The following PCDHA6 variants were observed in gnomAD, a reference collection of about 807,000 sequenced individuals.
PCDHA6 encodes protocadherin alpha 6.
In PCDHA6, 55 loss-of-function variants were observed where a neutral mutation model predicts 60.3. That is an observed-to-expected ratio of 0.91 (90% CI 0.73 to 1.14). The LOEUF is 1.14. PCDHA6 is among the 50% of genes most tolerant of loss of function. The probability of loss-of-function intolerance (pLI) is 0.00; values close to 1 mark genes in which losing one functional copy is unlikely to be tolerated. For synonymous variants in PCDHA6, 652 were observed against 557.9 expected (o/e 1.17, Z -2.38); for missense variants, 1,327 against 1,256.5 (o/e 1.06, Z -0.85).
At chr5:140,879,141 G>C (rs1413837977) in intron 1 of PCDHA6, among the ~76,000 whole-genome samples, 2 of 152,192 alleles carry the variant, frequency 1.3e-5, no homozygotes, top group Non-Finnish European at 2.9e-5. Context: ...GATTGTGAAG[G>C]CAGGAAAGCT....
Position 141,010,123 on chromosome 5 carries a change from A to G in PCDHA6, c.*186A>G, listed in dbSNP as rs782357783. The G allele has an allele frequency of 3.7e-6, 6 of 1,605,822 alleles. No individual in the cohort carries two copies. In the East Asian group the frequency reaches 1.3e-4, roughly 36 times the overall value. On this transcript the variant is annotated 3_prime_UTR_variant, in exon 4 of 4. Transcript: ENST00000529310. ...AGGTTTTGTCGTAAAAGCTTTACTA[A>G]GTCTGGTGTTAACTCTTTCTCTCCA...
chr5:140,939,195 C>T (rs1554212604), intron 1 of PCDHA6, among the ~76,000 whole-genome samples: 1 of 152,122 alleles, frequency 6.6e-6, no homozygotes, highest in East Asian at 1.9e-4. Flanking sequence ...GTTCATAAAA[C>T]AGAATGTCAC....
chr5:140,875,749 G>C, intron 1 of PCDHA6: 1 of 1,614,264 alleles, frequency 6.2e-7, no homozygotes, highest in Non-Finnish European at 8.5e-7. Flanking sequence ...GATCGACCGC[G>C]AGAAGCTGTG....
chr5:140,840,576 A>C (rs1264610441), intron 1 of PCDHA6, among the ~76,000 whole-genome samples: 1 of 152,090 alleles, frequency 6.6e-6, no homozygotes, highest in African/African-American at 2.4e-5. Flanking sequence ...GGCATGTCAG[A>C]GAAATCATAA....
At chr5:140,843,925 C>T in intron 1 of PCDHA6, 4 of 594,474 alleles carry the variant, frequency 6.7e-6, no homozygotes, top group Non-Finnish European at 8.8e-6. Context: ...TCTTGAAACT[C>T]AAGTTATGGT....
At chr5:140,887,396 C>T (rs2153420229) in intron 1 of PCDHA6, among the ~76,000 whole-genome samples, 1 of 152,174 alleles carries the variant, frequency 6.6e-6, no homozygotes, top group Non-Finnish European at 1.5e-5. Flanking sequence ...GCGCCCGGCT[C>T]TTTATCTCAT....
intron 1 of PCDHA6, chr5:140,968,266 G>A: frequency 6.2e-7 from 1 of 1,614,080 alleles, no homozygotes; most frequent in Non-Finnish European, 8.5e-7. Context: ...ATGAAAAGGA[G>A]AATGCAGAGG....
intron 1 of PCDHA6, chr5:140,929,120 A>G (rs781922658): frequency 6.2e-7 from 1 of 1,614,062 alleles, no homozygotes; most frequent in East Asian, 2.2e-5. Flanking sequence ...GCCACCATAG[A>G]TGTCACTACA....
rs782722148 is a variant in PCDHA6 at position 140,857,308 on chromosome 5, T to C, written c.2394+26823T>C. 3.4e-5 allele frequency: 54 copies of C among 1,598,232 alleles called. 3 individuals carry two copies. The highest frequency in any genetic ancestry group is 4.5e-5 in the Non-Finnish European group (53 of 1,167,612). On this transcript the variant is annotated intron_variant, in intron 1 of 3. Transcript: ENST00000529310. ...TGGACCGCGAGAGGGTGTCGGCCTA[T>C]GAGCTGGTGGTGACCGCGCGGGACG...
At chr5:140,856,784 T>C in intron 1 of PCDHA6, 2 of 1,596,522 alleles carry the variant, frequency 1.3e-6, no homozygotes, top group Non-Finnish European at 1.7e-6. Flanking sequence ...CAGACCGGTT[T>C]ATGAAGTTAA....
intron 1 of PCDHA6, among the ~76,000 whole-genome samples, chr5:140,871,878 C>T (rs1390055446): frequency 6.6e-6 from 1 of 152,222 alleles, no homozygotes; most frequent in Non-Finnish European, 1.5e-5. Context: ...TTTAAATTTG[C>T]TCCTCTTTGT....
intron 3 of PCDHA6, among the ~76,000 whole-genome samples, chr5:140,992,594 G>A (rs782416770): frequency 2.6e-5 from 4 of 152,148 alleles, no homozygotes; most frequent in Non-Finnish European, 2.9e-5. Flanking sequence ...TGCATCTAGC[G>A]TCTGTGTCTA....
At chr5:140,835,974 T>A (rs782216011) in intron 1 of PCDHA6, 1 of 1,612,180 alleles carries the variant, frequency 6.2e-7, no homozygotes, top group African/African-American at 1.3e-5. Context: ...GCTGGAGCTG[T>A]TGCAGTTCCA....
At chr5:140,895,647 C>A (rs954657912) in intron 1 of PCDHA6, among the ~76,000 whole-genome samples, 2 of 151,996 alleles carry the variant, frequency 1.3e-5, no homozygotes, top group African/African-American at 4.8e-5. Flanking sequence ...TTTTTAGCTC[C>A]CACTTATAAG....
intron 1 of PCDHA6, chr5:140,881,303 C>G (rs2058657354): frequency 2.1e-6 from 2 of 962,486 alleles, no homozygotes; most frequent in African/African-American, 1.8e-5. Flanking sequence ...GAAACTTTAA[C>G]CTCCTGGTTA....
intron 1 of PCDHA6, among the ~76,000 whole-genome samples, chr5:140,896,219 T>A (rs1212681477): frequency 1.3e-5 from 2 of 152,252 alleles, no homozygotes; most frequent in African/African-American, 2.4e-5. Flanking sequence ...TACATGTGTC[T>A]TTATAGTAGA....
intron 1 of PCDHA6, among the ~76,000 whole-genome samples, chr5:140,921,713 A>T (rs1247257514): frequency 2.0e-5 from 3 of 152,174 alleles, no homozygotes; most frequent in Non-Finnish European, 4.4e-5. Flanking sequence ...CAGTAAACAC[A>T]CGAATTACTC....
intron 1 of PCDHA6, chr5:140,876,970 G>T (rs1554169165): frequency 6.2e-7 from 1 of 1,612,850 alleles, no homozygotes; most frequent in East Asian, 2.2e-5. Flanking sequence ...GCGGCGGGTG[G>T]GCGAGCACGC....
rs1305533270 is a variant in PCDHA6, at chr5:141,000,401, A to C, written c.2543-9226A>C. Among the ~76,000 whole-genome samples the C allele has an allele frequency of 8.1e-3, 613 of 75,996 alleles. 4 individuals are homozygous for C. The highest frequency in any genetic ancestry group is 0.017 in the East Asian group (44 of 2,548). The allele number at this position is 75,996 out of a possible 152,430, so 49.9% of individuals were successfully genotyped here. A position where few individuals can be genotyped will look rare whatever the true frequency, so the allele number is the denominator to read the frequency against. On this transcript the variant is annotated intron_variant, in intron 3 of 3. Transcript: ENST00000529310. Reference sequence around the variant, plus strand: ...TCTCTCTCTCTCTCTCTCTCTATATATATATATATATATATATATATTTTT... The same window carrying C: ...TCTCTCTCTCTCTCTCTCTCTATATCTATATATATATATATATATATTTTT...
Sources: gnomAD v4.1 joint callset for allele counts (sites outside exome capture counted in the v4.1 genomes callset) on GRCh38, gnomAD v4.1.1 for gene constraint, MANE v1.5 for transcripts, NCBI Gene and HGNC (gene_info 2026-07-23, HGNC 2026-07-21) for gene names.